The following CD58 variants were observed in gnomAD, a reference collection of about 807,000 sequenced individuals.
CD58 encodes lymphocyte function-associated antigen 3.
CD58 carries 14 observed loss-of-function variants against 27.6 expected under a neutral mutation model. That is an observed-to-expected ratio of 0.51 (90% CI 0.34 to 0.79). The LOEUF (loss-of-function observed/expected upper bound fraction) is 0.79, where lower values mean the gene tolerates loss of function less well. Ranked by LOEUF, CD58 falls within the 30% of genes least tolerant of loss-of-function variation. CD58 has a pLI of 0.02. For missense variants in CD58, 268 were observed against 301.7 expected, an observed-to-expected ratio of 0.89 and a Z score of 0.83; for synonymous variants, 117 against 103.8, an observed-to-expected ratio of 1.13 and a Z score of -0.77.
At chr1:116,565,144 T>C (rs1443894180) in intron 1 of CD58, among the ~76,000 whole-genome samples, 4 of 152,226 alleles carry the variant, frequency 2.6e-5, no homozygotes, top group East Asian at 1.9e-4. Flanking sequence ...GCAGCCAGAA[T>C]AATTCTTTTA....
rs1284785519 is a variant in CD58 at position 116,522,220 on chromosome 1, G to T, written c.629-237C>A. Among the ~76,000 whole-genome samples the T allele has an allele frequency of 6.6e-6, 1 of 152,164 alleles. No individual in the cohort carries two copies. Among genetic ancestry groups the T allele is most frequent in the Non-Finnish European group, 1.5e-5 (1 of 68,024 alleles). Reference sequence around the variant, plus strand: ...GTAAAGCTCTGCCTTCTTGTTTCAAGTTCTTACACTGTTAACAAGTGTCCT... The same window carrying T: ...GTAAAGCTCTGCCTTCTTGTTTCAATTTCTTACACTGTTAACAAGTGTCCT... On this transcript the variant is annotated intron_variant, in intron 3 of 5. Transcript: ENST00000369489. The surrounding 1 kb of genome is among the most constrained non-coding windows in gnomAD (Gnocchi z 4.6).
chr1:116,516,595 C>G lies in CD58; in HGVS notation c.744-1773G>C, dbSNP rs1278114747. On this transcript the variant is annotated intron_variant, in intron 5 of 5. Coordinates refer to ENST00000369489, the MANE Select transcript of CD58 (RefSeq NM_001779.3). The surrounding 1 kb of genome is among the most constrained non-coding windows in gnomAD (Gnocchi z 6.1). ...AATCTTACTATCAAATAAATCACAA[C>G]AGATTTAATTCCCTCTCATGTATTT... 6.6e-6 allele frequency among the ~76,000 whole-genome samples: 1 copy of G among 152,194 alleles called. No individual in the cohort carries two copies. Among genetic ancestry groups the G allele is most frequent in the Non-Finnish European group, 1.5e-5 (1 of 68,036 alleles).
intron 1 of CD58, among the ~76,000 whole-genome samples, chr1:116,565,212 A>T (rs1658890761): frequency 6.6e-6 from 1 of 152,210 alleles, no homozygotes; most frequent in Non-Finnish European, 1.5e-5. Flanking sequence ...CTTTCCAGTC[A>T]CTGAAAGCAA....
chr1:116,533,651 C>A, intron 3 of CD58: 1 of 692,904 alleles, frequency 1.4e-6, no homozygotes. Context: ...GTTGCTGCTG[C>A]TTTTTCTGTT....
rs1423895919 is a variant in CD58, at chr1:116,522,903, C to G, written c.629-920G>C. Among the ~76,000 whole-genome samples, 1 of 152,166 alleles carries G rather than the reference C, an allele frequency of 6.6e-6. No homozygotes were observed. The highest frequency in any genetic ancestry group is 1.9e-4 in the East Asian group (1 of 5,194). ...TCATGTGCCTATAGTCTCACTAAGT[C>G]ATTACAATGTTGGGCAAGTGCCTTA... On this transcript the variant is annotated intron_variant, in intron 3 of 5. Transcript: ENST00000369489. The surrounding 1 kb of genome is among the most constrained non-coding windows in gnomAD (Gnocchi z 4.6).
intron 1 of CD58, among the ~76,000 whole-genome samples, chr1:116,566,867 G>C (rs1460018284): frequency 6.6e-6 from 1 of 151,876 alleles, no homozygotes; most frequent in African/African-American, 2.4e-5. Context: ...AAAATTGCTG[G>C]GTGGCTCATG....
At chr1:116,529,396 T>C (rs1657526289) in intron 3 of CD58, among the ~76,000 whole-genome samples, 1 of 152,230 alleles carries the variant, frequency 6.6e-6, no homozygotes, top group Non-Finnish European at 1.5e-5. Context: ...TAGCTTTCTT[T>C]CCATCTCCCA....
rs1657265799 is a variant in CD58, at chr1:116,521,681, C to T, written c.706+225G>A. The T allele has an allele frequency of 6.7e-6, 3 of 447,044 alleles. No individual in the cohort carries two copies. In the Admixed American group the frequency reaches 1.1e-4, roughly 17 times the overall value. The allele number at this position is 447,044 out of a possible 1,614,324, so 27.7% of individuals were successfully genotyped here. ...AACAGGTCCAGGCTGTGTTCCCAGG[C>T]CTGTAAAGCTCTCTGTGGCCTAAGG... On this transcript the variant is annotated intron_variant, in intron 4 of 5. Transcript: ENST00000369489. The surrounding 1 kb of genome is among the most constrained non-coding windows in gnomAD (Gnocchi z 5.6).
intron 1 of CD58, among the ~76,000 whole-genome samples, chr1:116,555,482 A>G (rs952442617): frequency 2.4e-4 from 37 of 152,056 alleles, no homozygotes; most frequent in African/African-American, 8.9e-4. Context: ...GGAGGGAAAA[A>G]ATTTTATCAG....
rs752337741 is a variant in CD58 at position 116,544,613 on chromosome 1, GA to G, written c.71-10del. 91 of 1,521,718 alleles carry G rather than the reference GA, an allele frequency of 6.0e-5. No homozygotes were observed. The highest frequency in any genetic ancestry group is 1.2e-4 in the East Asian group (5 of 43,212). The allele number at this position is 1,521,718 out of a possible 1,614,324, so 94.3% of individuals were successfully genotyped here. A position where few individuals can be genotyped will look rare whatever the true frequency, so the allele number is the denominator to read the frequency against. On this transcript the variant is annotated splice_polypyrimidine_tract_variant and intron_variant, in intron 1 of 5. Transcript: ENST00000369489. ...AAAACAGCTGATGAAACCTAGGAGA[GA>G]AAAAAAAATTGGTTAGAAAAAACAA...
chr1:116,552,110 G>A lies in CD58; in HGVS notation c.71-7506C>T, dbSNP rs1658411195. Among the ~76,000 whole-genome samples the A allele has an allele frequency of 6.6e-6, 1 of 152,210 alleles. No homozygotes were observed. The highest frequency in any genetic ancestry group is 2.1e-4 in the South Asian group (1 of 4,834). On this transcript the variant is annotated intron_variant, in intron 1 of 5. Transcript: ENST00000369489. This position sits in a 1 kb window ranked among gnomAD's most constrained non-coding sequence, Gnocchi z 4.5. The stretch of plus-strand genomic sequence containing the variant: ...TTCTAGTTTTTAATTTAAAGTGAGA[G>A]ACAGTGCAACTCTTCTTTTCACTTG...
At chr1:116,553,946 T>TG (rs1312772942) in intron 1 of CD58, among the ~76,000 whole-genome samples, 1 of 152,096 alleles carries the variant, frequency 6.6e-6, no homozygotes, top group East Asian at 1.9e-4. Flanking sequence ...AGTCAACATG[T>TG]GGAGACTTGA....
rs530850314 is a variant in CD58, at chr1:116,563,874, T to C, written c.70+7029A>G. 2.0e-5 allele frequency among the ~76,000 whole-genome samples: 3 copies of C among 152,346 alleles called. No individual in the cohort carries two copies. Among genetic ancestry groups the C allele is most frequent in the African/African-American group, 7.2e-5 (3 of 41,578 alleles). On this transcript the variant is annotated intron_variant, in intron 1 of 5. Coordinates refer to ENST00000369489, the MANE Select transcript of CD58 (RefSeq NM_001779.3). The surrounding 1 kb of genome is among the most constrained non-coding windows in gnomAD (Gnocchi z 4.1). ...GACATTTTCCCCATTGTCTTCGTGA[T>C]TAACATTTGGCTCCTCATTACTTAA...
Position 116,527,615 on chromosome 1 carries a change from G to A in CD58, c.629-5632C>T, listed in dbSNP as rs1557833798. On this transcript the variant is annotated intron_variant, in intron 3 of 5. Transcript: ENST00000369489. This position sits in a 1 kb window ranked among gnomAD's most constrained non-coding sequence, Gnocchi z 4.4. The stretch of plus-strand genomic sequence containing the variant: ...TTAAGGTTTCTACATGTATGTTCAT[G>A]AGAAATATTTGTCTTAATTTTCTTT... Among the ~76,000 whole-genome samples the A allele has an allele frequency of 6.6e-6, 1 of 152,172 alleles. No individual in the cohort carries two copies.
At chr1:116,539,795 G>A (rs1363390168) in intron 2 of CD58, among the ~76,000 whole-genome samples, 1 of 152,044 alleles carries the variant, frequency 6.6e-6, no homozygotes, top group African/African-American at 2.4e-5. Context: ...GCTGCCCGTG[G>A]GACTTACCAC....
chr1:116,563,709 G>A lies in CD58; in HGVS notation c.70+7194C>T, dbSNP rs1329242452. On this transcript the variant is annotated intron_variant, in intron 1 of 5. Transcript: ENST00000369489. The surrounding 1 kb of genome is among the most constrained non-coding windows in gnomAD (Gnocchi z 4.1). Reference sequence around the variant, plus strand: ...TTTAGCCATGGCTGGAGCTAAAACAGCTGGCATGCAGGGCTCCATGTTTGG... The same window carrying A: ...TTTAGCCATGGCTGGAGCTAAAACAACTGGCATGCAGGGCTCCATGTTTGG... Among the ~76,000 whole-genome samples, 5 of 152,192 alleles carry A rather than the reference G, an allele frequency of 3.3e-5. No individual in the cohort carries two copies. The highest frequency in any genetic ancestry group is 7.3e-5 in the Non-Finnish European group (5 of 68,036).
At chr1:116,537,379 TAA>T (rs953301693) in intron 2 of CD58, among the ~76,000 whole-genome samples, 1 of 151,902 alleles carries the variant, frequency 6.6e-6, no homozygotes, top group Admixed American at 6.6e-5. Flanking sequence ...TTCCAAAATG[TAA>T]AAAAAAATTT....
intron 1 of CD58, among the ~76,000 whole-genome samples, chr1:116,554,854 A>G (rs1310366857): frequency 6.6e-6 from 1 of 152,154 alleles, no homozygotes; most frequent in Non-Finnish European, 1.5e-5. Flanking sequence ...ACTAATATCT[A>G]CCTCTACTTT....
At chr1:116,535,790 G>A (rs959673963) in intron 3 of CD58, among the ~76,000 whole-genome samples, 175 bp downstream of exon 3, 6 of 89,570 alleles carry the variant, frequency 6.7e-5, no homozygotes, top group South Asian at 5.4e-4. Context: ...GCAGTGAGCC[G>A]AGATCGCGCC....
Sources: allele counts gnomAD v4.1 joint callset (sites outside exome capture counted in the v4.1 genomes callset), GRCh38; gene constraint gnomAD v4.1.1; non-coding constraint Gnocchi (gnomAD v3.1); transcripts MANE v1.5; gene names NCBI Gene and HGNC (gene_info 2026-07-23, HGNC 2026-07-21).